TRIM36: variants seen among roughly 807,000 people sequenced by gnomAD.
TRIM36 encodes E3 ubiquitin-protein ligase TRIM36.
A neutral mutation model predicts 72.4 loss-of-function variants in TRIM36; 42 were observed. That is an observed-to-expected ratio of 0.58 (90% CI 0.45 to 0.75). The LOEUF (loss-of-function observed/expected upper bound fraction) is 0.75, where lower values mean the gene tolerates loss of function less well. TRIM36 is among the 30% of genes least tolerant of loss of function. The pLI, the probability that TRIM36 is intolerant of heterozygous loss-of-function variation, is 0.00. For synonymous variants in TRIM36, 315 were observed against 282.8 expected (o/e 1.11, Z -1.14); for missense variants, 913 against 857.1 (o/e 1.07, Z -0.81).
intron 5 of TRIM36, among the ~76,000 whole-genome samples, chr5:115,139,271 C>G (rs752357661): frequency 2.0e-5 from 3 of 152,074 alleles, no homozygotes; most frequent in Non-Finnish European, 4.4e-5. Flanking sequence ...CAGGTGTGCA[C>G]CACCAGGCCA....
Position 115,126,787 on chromosome 5 carries a change from A to C in TRIM36, c.1867T>G (p.Leu623Val), listed in dbSNP as rs1165065196. The C allele has an allele frequency of 1.2e-6, 2 of 1,614,038 alleles. No individual in the cohort carries two copies. Among genetic ancestry groups the C allele is most frequent in the Non-Finnish European group, 1.7e-6 (2 of 1,180,034 alleles). Residue 623 changes from leucine to valine, a missense_variant, in exon 10 of 10, where the codon TTA becomes GTA. Leu to Val is a conservative substitution (Grantham distance 32). Transcript: ENST00000513154. ...ACFDSSQPFT[L>V]VTIGMQKFFI... ...AATTTCTGCATGCCTATAGTAACTAAGGTAAATGGTTGTGAAGAATCAAAA... is the reference window on the plus strand; with the variant it reads ...AATTTCTGCATGCCTATAGTAACTACGGTAAATGGTTGTGAAGAATCAAAA...
intron 1 of TRIM36, among the ~76,000 whole-genome samples, chr5:115,167,909 C>T (rs2126942340): frequency 6.6e-6 from 1 of 152,316 alleles, no homozygotes; most frequent in East Asian, 1.9e-4. Context: ...ACTCACAGTT[C>T]TGCATGGCTG....
At chr5:115,148,427 T>C (rs2112848118) in intron 2 of TRIM36, 1 of 671,432 alleles carries the variant, frequency 1.5e-6, no homozygotes, top group African/African-American at 2.0e-5. Flanking sequence ...TTTTTTTTTT[T>C]TTTTTTTTTT....
chr5:115,137,642 CACTAAGATAAA>C, intron 5 of TRIM36, 26 bp from the exon 6 acceptor site: 9 of 1,539,282 alleles, frequency 5.8e-6, no homozygotes, highest in Non-Finnish European at 7.8e-6. Context: ...ATCTCCATTA[CACTAAGATAAA>C]ACAAAGAATA....
intron 8 of TRIM36, among the ~76,000 whole-genome samples, chr5:115,132,045 C>T (rs1410523021): frequency 6.6e-6 from 1 of 151,976 alleles, no homozygotes; most frequent in Non-Finnish European, 1.5e-5. Context: ...TATTACACCA[C>T]AATTTAAAAA....
chr5:115,135,172 C>G (rs942327062), intron 7 of TRIM36, among the ~76,000 whole-genome samples: 2 of 152,062 alleles, frequency 1.3e-5, no homozygotes, highest in African/African-American at 4.8e-5. Context: ...AGAGCCAATT[C>G]CCAAGCTTAA....
rs755925245 is a variant in TRIM36, at chr5:115,134,131, C to T, written c.1227G>A (p.Glu409=). ...SFFSSGIDVP[E]INEEQSKVYN... ...AAACTTTGCTCTGTTCCTCATTGATCTCTGGCACGTCTATGCCTGAAAGAA... is the reference window on the plus strand; with the variant it reads ...AAACTTTGCTCTGTTCCTCATTGATTTCTGGCACGTCTATGCCTGAAAGAA... The change falls in exon 8 of 10, where the codon GAG becomes GAA. Residue 409 remains glutamate, a synonymous_variant. Transcript: ENST00000513154. The T allele has an allele frequency of 6.3e-7, 1 of 1,594,134 alleles. No homozygotes were observed. Among genetic ancestry groups the T allele is most frequent in the East Asian group, 2.3e-5 (1 of 44,352 alleles).
At chr5:115,177,781 A>T in intron 1 of TRIM36, 1 of 1,614,068 alleles carries the variant, frequency 6.2e-7, no homozygotes, top group Non-Finnish European at 8.5e-7. Flanking sequence ...CTGCTTTCCA[A>T]CCTCAGAGAT....
At chr5:115,131,643 G>T (rs912975192) in intron 8 of TRIM36, among the ~76,000 whole-genome samples, 1 of 152,160 alleles carries the variant, frequency 6.6e-6, no homozygotes, top group Non-Finnish European at 1.5e-5. Flanking sequence ...AAAAAGGAAA[G>T]ATTTGGATAC....
chr5:115,164,298 C>T (rs113199566), intron 1 of TRIM36, among the ~76,000 whole-genome samples: 239 of 152,278 alleles, frequency 1.6e-3, no homozygotes, highest in African/African-American at 5.5e-3. Context: ...TTCATTAATG[C>T]CTGAGGTTCT....
At chr5:115,137,213 C>T in intron 6 of TRIM36, 89 bp from the exon 7 acceptor site, 1 of 1,476,140 alleles carries the variant, frequency 6.8e-7, no homozygotes, top group Admixed American at 2.5e-5. Context: ...ATAAAACCCA[C>T]ACTTCACTCA....
At chr5:115,135,893 C>T (rs1470804755) in intron 7 of TRIM36, among the ~76,000 whole-genome samples, 1 of 152,098 alleles carries the variant, frequency 6.6e-6, no homozygotes, top group East Asian at 1.9e-4. Flanking sequence ...AGACAAATTT[C>T]CTTGTATTAA....
At chr5:115,160,704 G>A (rs574657160) in intron 2 of TRIM36, among the ~76,000 whole-genome samples, 19 of 152,230 alleles carry the variant, frequency 1.2e-4, no homozygotes, top group African/African-American at 4.1e-4. Flanking sequence ...AGCAGGGTGC[G>A]AGTGAGTAGC....
intron 8 of TRIM36, among the ~76,000 whole-genome samples, chr5:115,132,013 T>C (rs1456070889): frequency 1.3e-5 from 2 of 152,186 alleles, no homozygotes; most frequent in Non-Finnish European, 2.9e-5. Context: ...TTAAAAACTG[T>C]TAAGATAATA....
chr5:115,165,564 C>A (rs371553028), intron 1 of TRIM36, among the ~76,000 whole-genome samples: 2 of 152,320 alleles, frequency 1.3e-5, no homozygotes, highest in East Asian at 3.9e-4. Flanking sequence ...GGACACAGGG[C>A]ACCAAGTCCC....
chr5:115,134,111 T>C lies in TRIM36; in HGVS notation c.1247A>G (p.Lys416Arg), dbSNP rs79290430. Residue 416 changes from lysine to arginine, a missense_variant, in exon 8 of 10, where the codon AAA (lysine) becomes AGA (arginine). Coordinates refer to ENST00000513154, the MANE Select transcript of TRIM36 (RefSeq NM_001300759.2). ...ATTTATCAAGGCATTGTTATAAACT[T>C]TGCTCTGTTCCTCATTGATCTCTGG... ...DVPEINEEQS[K>R]VYNNALINWH... 18,225 of 1,611,296 alleles carry C rather than the reference T, an allele frequency of 0.011. 134 individuals carry two copies. Among genetic ancestry groups the C allele is most frequent in the Middle Eastern group, 0.021 (126 of 6,034 alleles).
chr5:115,162,374 C>A (rs941290642), intron 2 of TRIM36, among the ~76,000 whole-genome samples: 9 of 152,214 alleles, frequency 5.9e-5, no homozygotes, highest in Admixed American at 1.3e-4. Flanking sequence ...GTGGCACTCT[C>A]TGTACAAATC....
Position 115,126,693 on chromosome 5 carries a change from A to AT in TRIM36, c.1960dup (p.Ile654AsnfsTer6). The AT allele has an allele frequency of 6.2e-7, 1 of 1,614,202 alleles. No homozygotes were observed. Among genetic ancestry groups the AT allele is most frequent in the Non-Finnish European group, 8.5e-7 (1 of 1,180,038 alleles). On this transcript the variant is annotated frameshift_variant, in exon 10 of 10. Transcript: ENST00000513154. LOFTEE classifies it high-confidence loss of function. Reference sequence around the variant, plus strand: ...TTTATCACAGTCAAGGAAAATCCCAATACTTGTTGGCATAGGGAGAACTCT... The same window carrying AT: ...TTTATCACAGTCAAGGAAAATCCCAATTACTTGTTGGCATAGGGAGAACTCT...
intron 7 of TRIM36, among the ~76,000 whole-genome samples, 188 bp from the exon 8 acceptor site, chr5:115,134,335 A>G (rs1350103654): frequency 3.3e-5 from 5 of 152,114 alleles, no homozygotes; most frequent in East Asian, 1.9e-4. Flanking sequence ...TTTAAAAGGT[A>G]TATCTATATT....
Sources: gnomAD v4.1 joint callset for allele counts (sites outside exome capture counted in the v4.1 genomes callset) on GRCh38, gnomAD v4.1.1 for gene constraint, MANE v1.5 for transcripts, NCBI Gene and HGNC (gene_info 2026-07-23, HGNC 2026-07-21) for gene names.